Variants in MDM4 observed in about 807,000 individuals in gnomAD.
The protein encoded by MDM4 is protein Mdm4.
Under a neutral mutation model 60.2 loss-of-function variants are expected in MDM4, and 2 were observed. The observed-to-expected ratio is 0.03, with a 90% CI of 0.01 to 0.10. The LOEUF is 0.10. Ranked by LOEUF, MDM4 falls within the 10% of genes least tolerant of loss-of-function variation. The pLI, the probability that MDM4 is intolerant of heterozygous loss-of-function variation, is 1.00. For missense variants in MDM4, 447 were observed against 577.5 expected, an observed-to-expected ratio of 0.77 and a Z score of 2.32; for synonymous variants, 202 against 198.1, an observed-to-expected ratio of 1.02 and a Z score of -0.17.
chr1:204,519,528 AAAG>A (rs1429208227), intron 1 of MDM4, among the ~76,000 whole-genome samples: 6 of 152,124 alleles, frequency 3.9e-5, no homozygotes, highest in African/African-American at 1.4e-4. Context: ...TGTATATGAA[AAAG>A]AAAAATACAG....
intron 7 of MDM4, among the ~76,000 whole-genome samples, chr1:204,539,266 G>T (rs1217547528): frequency 6.6e-6 from 1 of 152,068 alleles, no homozygotes. Flanking sequence ...GATTACAGGC[G>T]TGAGCCACTG....
intron 7 of MDM4, among the ~76,000 whole-genome samples, chr1:204,540,932 A>G (rs1416919334): frequency 1.3e-5 from 2 of 152,156 alleles, no homozygotes; most frequent in Non-Finnish European, 1.5e-5. Flanking sequence ...TGTCTGAGAA[A>G]CTTTGGCTGC....
intron 5 of MDM4, among the ~76,000 whole-genome samples, chr1:204,533,636 G>T (rs911547411): frequency 3.3e-5 from 5 of 152,320 alleles, no homozygotes; most frequent in East Asian, 3.9e-4. Flanking sequence ...GGGATTATGC[G>T]TGTGAACCAC....
chr1:204,545,737 A>G (rs1662589588), intron 9 of MDM4, among the ~76,000 whole-genome samples: 1 of 152,094 alleles, frequency 6.6e-6, no homozygotes. Flanking sequence ...GTTTTGCCCA[A>G]CCTGGTCTTA....
chr1:204,527,864 C>CTT (rs36104392), intron 3 of MDM4, among the ~76,000 whole-genome samples: 1 of 142,038 alleles, frequency 7.0e-6, no homozygotes. Context: ...AATTATCAGG[C>CTT]TTTTTTTTTT....
At chr1:204,527,009 A>G (rs1329454342) in intron 3 of MDM4, among the ~76,000 whole-genome samples, 2 of 152,042 alleles carry the variant, frequency 1.3e-5, no homozygotes, top group African/African-American at 2.4e-5. Flanking sequence ...TTAAAAAGAC[A>G]CTGGGCCTGG....
At chr1:204,517,144 G>T (rs899578299) in intron 1 of MDM4, among the ~76,000 whole-genome samples, 1 of 151,996 alleles carries the variant, frequency 6.6e-6, no homozygotes, top group African/African-American at 2.4e-5. Flanking sequence ...TCGGGAGGCT[G>T]AGGCAGGAGA....
chr1:204,534,636 T>C (rs534735757), intron 5 of MDM4, among the ~76,000 whole-genome samples: 32 of 152,044 alleles, frequency 2.1e-4, no homozygotes, highest in African/African-American at 7.5e-4. Flanking sequence ...TACAGGAGTA[T>C]GCCACCACAC....
At chr1:204,547,630 C>T (rs1026175036) in intron 10 of MDM4, among the ~76,000 whole-genome samples, 4 of 152,184 alleles carry the variant, frequency 2.6e-5, no homozygotes, top group African/African-American at 4.8e-5. Context: ...TATGGTAGTT[C>T]ATTGCCAATG....
chr1:204,539,881 G>T (rs943653201), intron 7 of MDM4, among the ~76,000 whole-genome samples: 2 of 152,076 alleles, frequency 1.3e-5, no homozygotes, highest in Non-Finnish European at 2.9e-5. Context: ...TTTAACACCT[G>T]ACCTCATATG....
chr1:204,530,764 A>T lies in MDM4; in HGVS notation c.234A>T (p.Gly78=). Residue 78 remains glycine (G), a synonymous_variant, in exon 4 of 11, where the codon GGA becomes GGT. Coordinates refer to ENST00000367182, the MANE Select transcript of MDM4 (RefSeq NM_002393.5). ...AGCAGCATATGGTATATTGTGGTGG[A>T]GATCTTTTGGGAGAACTACTGGGAC... is the stretch of plus-strand genomic sequence containing the variant. ...QQEQHMVYCG[G]DLLGELLGRQ... 10 of 1,614,206 alleles carry T rather than the reference A, an allele frequency of 6.2e-6. No homozygotes were observed. The highest frequency in any genetic ancestry group is 7.6e-6 in the Non-Finnish European group (9 of 1,180,044).
chr1:204,523,195 C>T (rs1379882219), intron 1 of MDM4, among the ~76,000 whole-genome samples: 4 of 147,176 alleles, frequency 2.7e-5, no homozygotes, highest in Admixed American at 6.8e-5. Context: ...TTTGTCCAGA[C>T]GTGGTGGCTC....
intron 5 of MDM4, among the ~76,000 whole-genome samples, chr1:204,534,583 G>T (rs1475281474): frequency 7.9e-5 from 12 of 152,206 alleles, no homozygotes. Flanking sequence ...CGCCTCCGTG[G>T]CACAAGCAGT....
At position 204,557,726 on chromosome 1, in the gene MDM4, T is replaced by C. The variant is rs1663624791; in HGVS notation, c.*8044T>C. On this transcript the variant is annotated 3_prime_UTR_variant, in exon 11 of 11. Transcript: ENST00000367182. ...CCAAAACATCTCTTTCTACATACACTTGAGTAGGTGGCATAAAATGCACTG... is the reference window on the plus strand; with the variant it reads ...CCAAAACATCTCTTTCTACATACACCTGAGTAGGTGGCATAAAATGCACTG... 5.5e-6 allele frequency: 1 copy of C among 183,324 alleles called. No homozygotes were observed. The highest frequency in any genetic ancestry group is 1.2e-5 in the Non-Finnish European group (1 of 86,192). 11.4% of individuals were successfully genotyped at this position (183,324 alleles called of 1,614,324 possible). A position where few individuals can be genotyped will look rare whatever the true frequency, so the allele number is the denominator to read the frequency against.
In MDM4 at chr1:204,556,806, T is replaced by C. The variant is rs968609730; in HGVS notation, c.*7124T>C. On this transcript the variant is annotated 3_prime_UTR_variant, in exon 11 of 11. Transcript: ENST00000367182. The stretch of plus-strand genomic sequence containing the variant: ...GAAGTGTTTCTTTTGGGTTTTTTTT[T>C]CCCCCTTTTAAAATCAACAGGAAAT... The C allele has an allele frequency of 2.8e-5, 6 of 213,166 alleles. No individual in the cohort carries two copies. Among genetic ancestry groups the C allele is most frequent in the Admixed American group, 5.8e-5 (1 of 17,128 alleles). 13.2% of individuals were successfully genotyped at this position (213,166 alleles called of 1,614,324 possible).
At chr1:204,542,537 A>G (rs1260173775) in intron 7 of MDM4, among the ~76,000 whole-genome samples, 1 of 152,122 alleles carries the variant, frequency 6.6e-6, no homozygotes, top group Non-Finnish European at 1.5e-5. Flanking sequence ...ATAGAAGACA[A>G]TGCTTTTAGA....
intron 5 of MDM4, among the ~76,000 whole-genome samples, chr1:204,535,290 TG>T (rs1661286815): frequency 6.6e-6 from 1 of 151,684 alleles, no homozygotes. Context: ...CCTGAGTAGC[TG>T]GGACTACAGG....
rs1196160142 is a variant in MDM4 at position 204,557,668 on chromosome 1, C to A, written c.*7986C>A. 5.6e-6 allele frequency: 1 copy of A among 178,804 alleles called. No homozygotes were observed. The highest frequency in any genetic ancestry group is 1.2e-5 in the Non-Finnish European group (1 of 83,280). The allele number at this position is 178,804 out of a possible 1,614,324, so 11.1% of individuals were successfully genotyped here. ...CTGCCCGCCTTGGCCTCCCAAAGTACTGGGATTACAGGCGTGAGCAACTGC... is the reference window on the plus strand; with the variant it reads ...CTGCCCGCCTTGGCCTCCCAAAGTAATGGGATTACAGGCGTGAGCAACTGC... On this transcript the variant is annotated 3_prime_UTR_variant, in exon 11 of 11. Coordinates refer to ENST00000367182, the MANE Select transcript of MDM4 (RefSeq NM_002393.5).
chr1:204,534,938 A>G (rs1486339534), intron 5 of MDM4, among the ~76,000 whole-genome samples: 1 of 152,174 alleles, frequency 6.6e-6, no homozygotes, highest in Non-Finnish European at 1.5e-5. Flanking sequence ...TCAAAACCAG[A>G]AAATTGCCCC....
Sources: gnomAD v4.1 joint callset for allele counts (sites outside exome capture counted in the v4.1 genomes callset) on GRCh38, gnomAD v4.1.1 for gene constraint, MANE v1.5 for transcripts, NCBI Gene and HGNC (gene_info 2026-07-23, HGNC 2026-07-21) for gene names.